CSMD1: variants seen among roughly 807,000 people sequenced by gnomAD.
The protein encoded by CSMD1 is CUB and sushi domain-containing protein 1.
CSMD1 carries 213 observed loss-of-function variants against 417.5 expected under a neutral mutation model. The ratio of observed to expected loss-of-function variants is 0.51; its 90% CI spans 0.46 to 0.57. The LOEUF (loss-of-function observed/expected upper bound fraction) is 0.57, where lower values mean the gene tolerates loss of function less well. Ranked by LOEUF, CSMD1 falls within the 20% of genes least tolerant of loss-of-function variation. The pLI is 0.00. For synonymous variants in CSMD1, 2,862 were observed against 1,736.8 expected, an observed-to-expected ratio of 1.65 and a Z score of -16.11; for missense variants, 6,923 against 4,529.7, an observed-to-expected ratio of 1.53 and a Z score of -15.17.
intron 3 of CSMD1, among the ~76,000 whole-genome samples, chr8:4,323,382 G>A (rs1202338193): frequency 6.6e-6 from 1 of 152,102 alleles, no homozygotes; most frequent in Non-Finnish European, 1.5e-5. Flanking sequence ...TGTACAGCAT[G>A]GCCTTCCTAA....
intron 7 of CSMD1, among the ~76,000 whole-genome samples, chr8:3,637,618 G>T (rs915461529): frequency 6.6e-6 from 1 of 151,886 alleles, no homozygotes; most frequent in Non-Finnish European, 1.5e-5. Context: ...TATACTGGGT[G>T]CTACTGTTGG....
Position 4,117,304 on chromosome 8 carries a change from G to A in CSMD1, c.416-85205C>T, listed in dbSNP as rs1166870773. On this transcript the variant is annotated intron_variant, in intron 3 of 69. Coordinates refer to ENST00000635120, the MANE Select transcript of CSMD1 (RefSeq NM_033225.6). ...AGCAGCATGCGTGGCTGGCTGGTGG[G>A]ATCCTCCTTATACATCACCGTCTGC... Among the ~76,000 whole-genome samples the A allele has an allele frequency of 6.6e-5, 10 of 151,934 alleles. No homozygotes were observed. In the East Asian group the frequency reaches 1.6e-3, roughly 24 times the overall value.
intron 1 of CSMD1, among the ~76,000 whole-genome samples, chr8:4,950,377 A>C (rs545167837): frequency 1.1e-3 from 161 of 152,240 alleles, no homozygotes; most frequent in African/African-American, 3.7e-3. Context: ...TAGAGGGTTA[A>C]TTCATAGGAC....
intron 6 of CSMD1, among the ~76,000 whole-genome samples, chr8:3,744,157 A>C (rs1796949056): frequency 6.6e-6 from 1 of 152,178 alleles, no homozygotes; most frequent in African/African-American, 2.4e-5. Flanking sequence ...ACTTTTCTGG[A>C]TTGACAAGGG....
intron 1 of CSMD1, among the ~76,000 whole-genome samples, chr8:4,965,142 A>G (rs950702393): frequency 3.9e-5 from 6 of 152,216 alleles, no homozygotes; most frequent in African/African-American, 7.2e-5. Context: ...ATACAAGCAA[A>G]TATTTGTAGA....
At chr8:3,467,861 A>C (rs1816869635) in intron 12 of CSMD1, among the ~76,000 whole-genome samples, 1 of 152,206 alleles carries the variant, frequency 6.6e-6, no homozygotes. Context: ...AGCTCCTAAA[A>C]CTATTCCTAT....
intron 12 of CSMD1, among the ~76,000 whole-genome samples, chr8:3,455,685 A>T (rs1816075650): frequency 6.6e-6 from 1 of 152,166 alleles, no homozygotes; most frequent in East Asian, 1.9e-4. Flanking sequence ...TTTGTCTCAG[A>T]GGAGTACCTG....
intron 3 of CSMD1, among the ~76,000 whole-genome samples, chr8:4,295,902 G>C (rs551460288): frequency 6.6e-6 from 1 of 150,772 alleles, no homozygotes; most frequent in South Asian, 2.1e-4. Context: ...TCCATTGCCT[G>C]CTTCACTAAT....
intron 11 of CSMD1, among the ~76,000 whole-genome samples, chr8:3,484,232 T>A (rs1817899581): frequency 6.6e-6 from 1 of 152,192 alleles, no homozygotes; most frequent in African/African-American, 2.4e-5. Context: ...GGTAGAAGAC[T>A]AGACACACAT....
chr8:3,651,766 G>C (rs995256420), intron 7 of CSMD1, among the ~76,000 whole-genome samples: 1 of 151,500 alleles, frequency 6.6e-6, no homozygotes, highest in Admixed American at 6.6e-5. Flanking sequence ...ACTACCAACA[G>C]AGCGCCTACC....
At chr8:4,178,117 G>C (rs1798154463) in intron 3 of CSMD1, among the ~76,000 whole-genome samples, 1 of 152,132 alleles carries the variant, frequency 6.6e-6, no homozygotes, top group African/African-American at 2.4e-5. Flanking sequence ...GCCTGGCAGA[G>C]ACACAACCAA....
intron 54 of CSMD1, among the ~76,000 whole-genome samples, chr8:2,994,713 T>C (rs985639272): frequency 6.6e-6 from 1 of 152,244 alleles, no homozygotes. Context: ...TTAAAAAATC[T>C]AATTCAGAAA....
intron 12 of CSMD1, among the ~76,000 whole-genome samples, chr8:3,441,550 T>G (rs1585170017): frequency 6.6e-6 from 1 of 150,490 alleles, no homozygotes; most frequent in Non-Finnish European, 1.5e-5. Flanking sequence ...GTAAGGACAT[T>G]TCAATCAATG....
intron 3 of CSMD1, among the ~76,000 whole-genome samples, chr8:4,062,335 G>C (rs1585231580): frequency 6.6e-6 from 1 of 152,060 alleles, no homozygotes; most frequent in South Asian, 2.1e-4. Context: ...GTCCAGGGTG[G>C]AGAGTGGCAG....
At chr8:4,991,802 C>T (rs1563946647) in intron 1 of CSMD1, among the ~76,000 whole-genome samples, 1 of 152,244 alleles carries the variant, frequency 6.6e-6, no homozygotes, top group Non-Finnish European at 1.5e-5. Context: ...GCGTCACCAG[C>T]CCCCTTCCTG....
intron 8 of CSMD1, among the ~76,000 whole-genome samples, chr8:3,604,947 G>C (rs1187293060): frequency 1.3e-5 from 2 of 152,056 alleles, no homozygotes; most frequent in African/African-American, 2.4e-5. Context: ...TGTGCCTTTG[G>C]TTTCCCTCAT....
intron 1 of CSMD1, among the ~76,000 whole-genome samples, chr8:4,842,240 G>C (rs1383777892): frequency 1.3e-5 from 2 of 152,190 alleles, no homozygotes; most frequent in Non-Finnish European, 2.9e-5. Context: ...AACCAGGGAA[G>C]TCAAAGCTTA....
Position 4,966,745 on chromosome 8 carries a change from G to A in CSMD1, c.85+27587C>T, listed in dbSNP as rs117515147. Among the ~76,000 whole-genome samples, 624 of 152,194 alleles carry A rather than the reference G, an allele frequency of 4.1e-3. 2 individuals carry two copies. The highest frequency in any genetic ancestry group is 0.014 in the Middle Eastern group (4 of 294). On this transcript the variant is annotated intron_variant, in intron 1 of 69. Coordinates refer to ENST00000635120, the MANE Select transcript of CSMD1 (RefSeq NM_033225.6). Reference sequence around the variant, plus strand: ...AAAACTAAAAAGGACTATAAAATTGGATTTAACATGTGTCTTAATTTAAAA... The same window carrying A: ...AAAACTAAAAAGGACTATAAAATTGAATTTAACATGTGTCTTAATTTAAAA...
chr8:4,372,859 A>C (rs529292011), intron 3 of CSMD1, among the ~76,000 whole-genome samples: 1 of 152,314 alleles, frequency 6.6e-6, no homozygotes, highest in African/African-American at 2.4e-5. Flanking sequence ...AAGACTACAA[A>C]ATTATTTACA....
Sources: gnomAD v4.1 joint callset for allele counts (sites outside exome capture counted in the v4.1 genomes callset) on GRCh38, gnomAD v4.1.1 for gene constraint, MANE v1.5 for transcripts, NCBI Gene and HGNC (gene_info 2026-07-23, HGNC 2026-07-21) for gene names.